The following KLHL3 variants were observed in gnomAD, a reference collection of about 807,000 sequenced individuals.
KLHL3 encodes kelch like family member 3, also known as kelch-like protein 3.
KLHL3 carries 19 observed loss-of-function variants against 70.5 expected under a neutral mutation model. That is an observed-to-expected ratio of 0.27 (90% CI 0.19 to 0.40). KLHL3 has a LOEUF of 0.40. Ranked by LOEUF, KLHL3 falls within the 10% of genes least tolerant of loss-of-function variation. The pLI is 1.00. For synonymous variants in KLHL3, 258 were observed against 290.3 expected (o/e 0.89, Z 1.13); for missense variants, 512 against 771.1 (o/e 0.66, Z 3.98).
intron 4 of KLHL3, among the ~76,000 whole-genome samples, chr5:137,697,993 A>C (rs1323479894): frequency 6.6e-6 from 1 of 152,182 alleles, no homozygotes; most frequent in Non-Finnish European, 1.5e-5. Context: ...TTCCTTCACA[A>C]GATTTTGAAG....
At chr5:137,704,798 G>C (rs1198537910) in intron 3 of KLHL3, among the ~76,000 whole-genome samples, 1 of 152,212 alleles carries the variant, frequency 6.6e-6, no homozygotes, top group Non-Finnish European at 1.5e-5. Context: ...TTATTAGACA[G>C]GACTACTGGC....
intron 11 of KLHL3, among the ~76,000 whole-genome samples, chr5:137,636,310 T>C (rs778490616): frequency 6.6e-6 from 1 of 152,258 alleles, no homozygotes; most frequent in Non-Finnish European, 1.5e-5. Context: ...GGCACATTTG[T>C]GTTTGCATGT....
intron 7 of KLHL3, 113 bp downstream of exon 7, chr5:137,661,802 C>G (rs1213753189): frequency 3.0e-6 from 2 of 673,988 alleles, no homozygotes; most frequent in Admixed American, 4.6e-5. Context: ...TCCCTCAGCA[C>G]ATACAGAAGA....
At chr5:137,713,428 G>GA (rs577495850) in intron 2 of KLHL3, among the ~76,000 whole-genome samples, 15 of 152,116 alleles carry the variant, frequency 9.9e-5, no homozygotes, top group Non-Finnish European at 1.9e-4. Flanking sequence ...ATTCAACTGG[G>GA]AAAAAAACAG....
At chr5:137,691,931 T>C (rs1200900183) in intron 5 of KLHL3, among the ~76,000 whole-genome samples, 2 of 152,150 alleles carry the variant, frequency 1.3e-5, no homozygotes, top group African/African-American at 2.4e-5. Context: ...ACGTGACTTT[T>C]AAAAGAATGT....
intron 8 of KLHL3, among the ~76,000 whole-genome samples, chr5:137,654,066 G>A (rs1580735258): frequency 6.6e-6 from 1 of 152,340 alleles, no homozygotes; most frequent in East Asian, 1.9e-4. Flanking sequence ...ACAGAAATCA[G>A]ATCAGTAGTT....
intron 10 of KLHL3, among the ~76,000 whole-genome samples, chr5:137,638,002 C>T (rs1321544194): frequency 1.3e-5 from 2 of 152,224 alleles, no homozygotes; most frequent in African/African-American, 4.8e-5. Flanking sequence ...AATGTGGCCT[C>T]AATGTCCATG....
At chr5:137,622,175 C>T in intron 14 of KLHL3, 49 bp from the exon 15 acceptor site, 3 of 1,602,206 alleles carry the variant, frequency 1.9e-6, no homozygotes, top group Non-Finnish European at 2.6e-6. Flanking sequence ...TCCAAAATTA[C>T]TCAGAGTCCC....
chr5:137,732,369 G>C (rs564123638), intron 1 of KLHL3, among the ~76,000 whole-genome samples: 2 of 151,884 alleles, frequency 1.3e-5, no homozygotes, highest in African/African-American at 2.4e-5. Flanking sequence ...GCAAAGGCTA[G>C]TGCAAATTCA....
At chr5:137,728,860 A>AAAAAAT (rs1424709791) in intron 1 of KLHL3, among the ~76,000 whole-genome samples, 5 of 152,174 alleles carry the variant, frequency 3.3e-5, no homozygotes, top group African/African-American at 9.6e-5. Flanking sequence ...AGAGGAGCAG[A>AAAAAAT]AAAAATAACT....
chr5:137,689,939 G>A (rs556825694), intron 5 of KLHL3, among the ~76,000 whole-genome samples: 16 of 152,344 alleles, frequency 1.1e-4, no homozygotes, highest in Middle Eastern at 3.4e-3. Context: ...CTATGTGGAA[G>A]GAGAGGGCTG....
chr5:137,641,839 C>G (rs1442983368), intron 8 of KLHL3, among the ~76,000 whole-genome samples: 3 of 152,108 alleles, frequency 2.0e-5, no homozygotes, highest in Non-Finnish European at 4.4e-5. Flanking sequence ...TCCAAAGGAA[C>G]CCAGGACACA....
At chr5:137,659,442 G>A (rs576589639) in intron 7 of KLHL3, among the ~76,000 whole-genome samples, 3 of 152,308 alleles carry the variant, frequency 2.0e-5, no homozygotes, top group Non-Finnish European at 2.9e-5. Flanking sequence ...GGCAAGAGAA[G>A]GCCTCTGTGT....
At chr5:137,725,284 C>G (rs1398157890) in intron 1 of KLHL3, among the ~76,000 whole-genome samples, 2 of 152,158 alleles carry the variant, frequency 1.3e-5, no homozygotes, top group Non-Finnish European at 2.9e-5. Flanking sequence ...CACACACACA[C>G]GTGCACGCAC....
chr5:137,717,996 A>C (rs1752926834), intron 2 of KLHL3, among the ~76,000 whole-genome samples: 1 of 152,240 alleles, frequency 6.6e-6, no homozygotes, highest in South Asian at 2.1e-4. Flanking sequence ...AGGCGGCTCT[A>C]TAGTCAAATA....
intron 6 of KLHL3, among the ~76,000 whole-genome samples, chr5:137,673,345 G>A (rs928698479): frequency 1.4e-4 from 21 of 152,108 alleles, no homozygotes; most frequent in African/African-American, 5.1e-4. Flanking sequence ...CCTATGTCTT[G>A]TTCGCTGCCT....
At chr5:137,623,501 T>A (rs1319744215) in intron 14 of KLHL3, among the ~76,000 whole-genome samples, 1 of 152,210 alleles carries the variant, frequency 6.6e-6, no homozygotes, top group African/African-American at 2.4e-5. Context: ...AGGTAGCTTT[T>A]TTTTCTTGAA....
chr5:137,657,873 GGTGAGAGGGAGCT>G (rs1227504671), intron 8 of KLHL3, among the ~76,000 whole-genome samples: 1 of 152,164 alleles, frequency 6.6e-6, no homozygotes. Context: ...TCAGGGTGGG[GGTGAGAGGGAGCT>G]CTGAGTTATT....
At chr5:137,661,400 T>C (rs1386072139) in intron 7 of KLHL3, 2 of 152,326 alleles carry the variant, frequency 1.3e-5, no homozygotes, top group African/African-American at 2.4e-5. Context: ...GAAGTGGAAG[T>C]ACTCTGTATT....
Sources: gnomAD v4.1 joint callset for allele counts (sites outside exome capture counted in the v4.1 genomes callset) on GRCh38, gnomAD v4.1.1 for gene constraint, MANE v1.5 for transcripts, NCBI Gene and HGNC (gene_info 2026-07-23, HGNC 2026-07-21) for gene names.